Variants in SVIL observed in about 807,000 individuals in gnomAD.
SVIL encodes supervillin.
In SVIL, 101 loss-of-function variants were observed where a neutral mutation model predicts 240.4. That is an observed-to-expected ratio of 0.42 (90% CI 0.36 to 0.50). The LOEUF is 0.50. Among genes scored for constraint, SVIL ranks in the 20% least tolerant of loss-of-function variants. The probability of loss-of-function intolerance (pLI) is 0.01; values close to 1 mark genes in which losing one functional copy is unlikely to be tolerated. For missense variants in SVIL, 2,512 were observed against 2,818.7 expected (o/e 0.89, Z 2.46); for synonymous variants, 999 against 1,100.0 (o/e 0.91, Z 1.82).
intron 1 of SVIL, among the ~76,000 whole-genome samples, chr10:29,594,559 CTT>C (rs34870351): frequency 3.1e-4 from 43 of 140,534 alleles, no homozygotes; most frequent in Non-Finnish European, 3.7e-4. Context: ...AATTTTTTTT[CTT>C]TTTTTTTTTT....
intron 3 of SVIL, among the ~76,000 whole-genome samples, chr10:29,641,095 G>T (rs975195350): frequency 6.6e-6 from 1 of 152,046 alleles, no homozygotes; most frequent in African/African-American, 2.4e-5. Context: ...GGCCCATATG[G>T]CAAACTTATA....
At chr10:29,568,206 C>T (rs71489685) in intron 2 of SVIL, among the ~76,000 whole-genome samples, 12,685 of 151,594 alleles carry the variant, frequency 0.084, 603 homozygotes, top group Admixed American at 0.13. Context: ...AGATGTGCCG[C>T]TTGATGATAT....
chr10:29,550,438 T>A (rs1332415240), intron 6 of SVIL, among the ~76,000 whole-genome samples, 159 bp downstream of exon 6: 1 of 138,738 alleles, frequency 7.2e-6, no homozygotes, highest in East Asian at 2.1e-4. Flanking sequence ...TGGGACCCTG[T>A]CTTCAGAAAA....
At chr10:29,679,534 C>A (rs994429777) in intron 2 of SVIL, among the ~76,000 whole-genome samples, 2 of 150,776 alleles carry the variant, frequency 1.3e-5, no homozygotes, top group Non-Finnish European at 2.9e-5. Context: ...AGAAAGCCAG[C>A]CACTTTTTTT....
chr10:29,639,182 CT>C (rs1958403499), upstream of SVIL, among the ~76,000 whole-genome samples: 1 of 151,584 alleles, frequency 6.6e-6, no homozygotes, highest in South Asian at 2.1e-4. Flanking sequence ...TTTTGTTTTT[CT>C]TTTTCTTGAG....
intron 1 of SVIL, among the ~76,000 whole-genome samples, chr10:29,573,715 T>C (rs1465931424): frequency 7.1e-6 from 1 of 139,962 alleles, no homozygotes; most frequent in Non-Finnish European, 1.6e-5. Flanking sequence ...TGTGACTTTT[T>C]TTTTTTTCCC....
At chr10:29,506,682 A>T (rs61849284) in intron 17 of SVIL, among the ~76,000 whole-genome samples, 20,633 of 110,706 alleles carry the variant, frequency 0.19, 1,132 homozygotes, top group Non-Finnish European at 0.22. Flanking sequence ...AGGCCCTATG[A>T]GGGAGGGGAC....
At chr10:29,463,462 G>A (rs374669048) in intron 35 of SVIL, 30 bp downstream of exon 35, 85 of 1,609,182 alleles carry the variant, frequency 5.3e-5, no homozygotes, top group Admixed American at 5.0e-5. Flanking sequence ...CATCTGTTCC[G>A]TGCTGCAGGC....
intron 17 of SVIL, among the ~76,000 whole-genome samples, chr10:29,501,154 G>A (rs1948858889): frequency 6.6e-6 from 1 of 150,978 alleles, no homozygotes; most frequent in African/African-American, 2.4e-5. Flanking sequence ...TTCCTAAAGA[G>A]ATATGACAAC....
chr10:29,502,045 A>G (rs1948937581), intron 17 of SVIL, among the ~76,000 whole-genome samples: 1 of 152,234 alleles, frequency 6.6e-6, no homozygotes. Context: ...TATGCACACA[A>G]TGGATACAAA....
intron 3 of SVIL, among the ~76,000 whole-genome samples, chr10:29,655,389 G>A (rs1054184792): frequency 6.6e-6 from 1 of 152,130 alleles, no homozygotes. Flanking sequence ...GATGTCCAAG[G>A]GCAGGAGGAG....
At chr10:29,696,345 G>A (rs1306493393) in intron 1 of SVIL, among the ~76,000 whole-genome samples, 49 of 152,152 alleles carry the variant, frequency 3.2e-4, no homozygotes, top group Middle Eastern at 3.4e-3. Flanking sequence ...CCCAAAGTGC[G>A]GAGATTGCAG....
chr10:29,507,057 G>C (rs963229989), intron 17 of SVIL, among the ~76,000 whole-genome samples: 6 of 152,274 alleles, frequency 3.9e-5, no homozygotes, highest in African/African-American at 1.4e-4. Flanking sequence ...CTGCTCTCTG[G>C]GGTGGGGTTC....
chr10:29,713,252 G>T (rs1371866331), intron 1 of SVIL, among the ~76,000 whole-genome samples: 2 of 132,834 alleles, frequency 1.5e-5, no homozygotes, highest in East Asian at 5.1e-4. Context: ...CTAAGAAGTT[G>T]TACATGCCTC....
Position 29,725,250 on chromosome 10 carries a change from C to T in SVIL, c.-400+10501G>A, listed in dbSNP as rs371529598. On this transcript the variant is annotated intron_variant, in intron 1 of 35. Coordinates refer to the SVIL transcript ENST00000375400. ...CAGGGTGATTCATCCTGCAGAGGAC[C>T]GCTCTTGTGTCCTCAAGGGTTCCTT... Among the ~76,000 whole-genome samples, 31 of 152,022 alleles carry T rather than the reference C, an allele frequency of 2.0e-4. No homozygotes were observed. The South Asian group carries it at 5.2e-3, about 25-fold the overall frequency.
chr10:29,665,724 G>A (rs1391105415), intron 2 of SVIL, among the ~76,000 whole-genome samples: 1 of 152,038 alleles, frequency 6.6e-6, no homozygotes, highest in East Asian at 1.9e-4. Context: ...AACCCAGGGG[G>A]CGGAGCTTGC....
At chr10:29,541,215 A>C (rs1488161556) in intron 6 of SVIL, among the ~76,000 whole-genome samples, 1 of 152,204 alleles carries the variant, frequency 6.6e-6, no homozygotes, top group African/African-American at 2.4e-5. Context: ...AGGTTTGGTT[A>C]AGAAATTAAC....
chr10:29,571,338 G>T (rs1955406745), intron 1 of SVIL, among the ~76,000 whole-genome samples: 2 of 152,202 alleles, frequency 1.3e-5, no homozygotes, highest in African/African-American at 4.8e-5. Flanking sequence ...CCCAGCATTT[G>T]CTCTGGTTAA....
intron 17 of SVIL, among the ~76,000 whole-genome samples, chr10:29,500,698 T>C (rs61848922): frequency 0.1 from 15,171 of 152,190 alleles, 897 homozygotes; most frequent in South Asian, 0.17. Flanking sequence ...CTAAGGCATT[T>C]TCCTTGGCTA....
Sources: gnomAD v4.1 joint callset for allele counts (sites outside exome capture counted in the v4.1 genomes callset) on GRCh38, gnomAD v4.1.1 for gene constraint, MANE v1.5 for transcripts, NCBI Gene and HGNC (gene_info 2026-07-23, HGNC 2026-07-21) for gene names.